LRRTM4: variants seen among roughly 807,000 people sequenced by gnomAD.
The protein encoded by LRRTM4 is leucine rich repeat transmembrane neuronal 4, also known as leucine-rich repeat transmembrane neuronal protein 4.
LRRTM4 carries 25 observed loss-of-function variants against 47.6 expected under a neutral mutation model. The observed-to-expected ratio is 0.53, with a 90% CI of 0.38 to 0.73. The LOEUF (loss-of-function observed/expected upper bound fraction) is 0.73. Among genes scored for constraint, LRRTM4 ranks in the 30% least tolerant of loss-of-function variants. The pLI, the probability that LRRTM4 is intolerant of heterozygous loss-of-function variation, is 0.00. For synonymous variants in LRRTM4, 311 were observed against 269.5 expected (o/e 1.15, Z -1.51); for missense variants, 638 against 713.4 (o/e 0.89, Z 1.20).
chr2:77,081,409 C>A (rs1025231921), intron 3 of LRRTM4, among the ~76,000 whole-genome samples: 1 of 151,376 alleles, frequency 6.6e-6, no homozygotes, highest in African/African-American at 2.4e-5. Context: ...TCACATTATA[C>A]AAATCATTTA....
At chr2:77,266,537 T>C (rs6743709) in intron 3 of LRRTM4, among the ~76,000 whole-genome samples, 19,535 of 151,996 alleles carry the variant, frequency 0.13, 4,201 homozygotes, top group African/African-American at 0.44. Context: ...AAAAAGAAGA[T>C]AAAAAAGTGT....
At chr2:77,211,930 C>T (rs964254633) in intron 3 of LRRTM4, among the ~76,000 whole-genome samples, 3 of 151,984 alleles carry the variant, frequency 2.0e-5, no homozygotes, top group African/African-American at 7.2e-5. Context: ...ATTAATTTTT[C>T]ATGAATGTTT....
intron 3 of LRRTM4, among the ~76,000 whole-genome samples, chr2:77,516,201 A>T (rs1408576326): frequency 1.3e-5 from 2 of 151,884 alleles, no homozygotes; most frequent in African/African-American, 2.4e-5. Context: ...TTAACAACAC[A>T]TTCATTTTCA....
At chr2:77,423,006 C>A (rs1379883745) in intron 3 of LRRTM4, among the ~76,000 whole-genome samples, 1 of 151,876 alleles carries the variant, frequency 6.6e-6, no homozygotes, top group Non-Finnish European at 1.5e-5. Context: ...TTGACACAAA[C>A]CTTAGGATTA....
At chr2:77,422,083 C>T (rs1257283743) in intron 3 of LRRTM4, among the ~76,000 whole-genome samples, 3 of 152,130 alleles carry the variant, frequency 2.0e-5, no homozygotes, top group Non-Finnish European at 4.4e-5. Flanking sequence ...GTAGGCTGTG[C>T]CATCTAGGTT....
intron 3 of LRRTM4, among the ~76,000 whole-genome samples, chr2:77,020,068 G>A (rs1678212486): frequency 1.3e-5 from 2 of 152,046 alleles, no homozygotes; most frequent in African/African-American, 2.4e-5. Context: ...ATGAATCTAA[G>A]GATGTGTCTA....
chr2:77,507,009 G>A (rs188940166), intron 3 of LRRTM4, among the ~76,000 whole-genome samples: 1 of 152,030 alleles, frequency 6.6e-6, no homozygotes, highest in Non-Finnish European at 1.5e-5. Flanking sequence ...TAGAATTTAT[G>A]TTCCAGAATT....
At chr2:76,980,643 C>A (rs114726781) in intron 3 of LRRTM4, among the ~76,000 whole-genome samples, 1,977 of 151,710 alleles carry the variant, frequency 0.013, 42 homozygotes, top group African/African-American at 0.045. Flanking sequence ...GCAGGAGGAA[C>A]TTTTTAAGTC....
intron 3 of LRRTM4, among the ~76,000 whole-genome samples, chr2:77,158,085 T>G (rs990412264): frequency 2.0e-5 from 3 of 152,138 alleles, no homozygotes; most frequent in Non-Finnish European, 4.4e-5. Context: ...GAAATATTAT[T>G]GTAAATGTCA....
chr2:77,338,732 A>G (rs1413693737), intron 3 of LRRTM4, among the ~76,000 whole-genome samples: 1 of 152,124 alleles, frequency 6.6e-6, no homozygotes, highest in Non-Finnish European at 1.5e-5. Context: ...CATTCGACTC[A>G]GCAATCCCAT....
At chr2:77,407,689 A>C (rs1456662441) in intron 3 of LRRTM4, among the ~76,000 whole-genome samples, 6,714 of 136,586 alleles carry the variant, frequency 0.049, 171 homozygotes, top group South Asian at 0.087. Context: ...TATTTAATAT[A>C]ATATATGATA....
At chr2:77,369,279 T>C (rs550067525) in intron 3 of LRRTM4, among the ~76,000 whole-genome samples, 6 of 151,740 alleles carry the variant, frequency 4.0e-5, no homozygotes, top group Non-Finnish European at 5.9e-5. Flanking sequence ...GTACAGAAAA[T>C]TGTTAGTTTG....
At chr2:77,075,177 A>C (rs1239969043) in intron 3 of LRRTM4, among the ~76,000 whole-genome samples, 2 of 152,240 alleles carry the variant, frequency 1.3e-5, no homozygotes, top group Non-Finnish European at 2.9e-5. Context: ...GAAACAGATC[A>C]ATGTCAAGTA....
At chr2:77,044,965 A>G (rs930868510) in intron 3 of LRRTM4, among the ~76,000 whole-genome samples, 1 of 151,808 alleles carries the variant, frequency 6.6e-6, no homozygotes, top group Non-Finnish European at 1.5e-5. Flanking sequence ...AATGAGACAT[A>G]TATCTGGGTA....
At chr2:77,215,824 C>T (rs979628188) in intron 3 of LRRTM4, among the ~76,000 whole-genome samples, 8 of 152,130 alleles carry the variant, frequency 5.3e-5, no homozygotes, top group Non-Finnish European at 1.2e-4. Flanking sequence ...TAGAGTAAAA[C>T]CTCAGAGATT....
chr2:76,753,509 A>C (rs1672920335), intron 3 of LRRTM4, among the ~76,000 whole-genome samples: 1 of 152,186 alleles, frequency 6.6e-6, no homozygotes, highest in Admixed American at 6.5e-5. Context: ...CTGGTTTTCT[A>C]AAAACATCAT....
chr2:77,154,195 T>G, intron 3 of LRRTM4, among the ~76,000 whole-genome samples: 1 of 152,214 alleles, frequency 6.6e-6, no homozygotes, highest in East Asian at 1.9e-4. Flanking sequence ...GCTTCTTCTC[T>G]TTCTAGTTTC....
intron 3 of LRRTM4, among the ~76,000 whole-genome samples, chr2:76,933,521 A>G (rs1322676850): frequency 6.6e-6 from 1 of 152,164 alleles, no homozygotes; most frequent in Non-Finnish European, 1.5e-5. Context: ...AGTACTTATT[A>G]ATTTTTTAGA....
chr2:77,245,624 T>TTC (rs34310430), intron 3 of LRRTM4, among the ~76,000 whole-genome samples: 2 of 31,890 alleles, frequency 6.3e-5, no homozygotes, highest in Non-Finnish European at 1.4e-4. Context: ...CTTTAAACAC[T>TTC]TTTTTTTTGT....
Sources: gnomAD v4.1 joint callset for allele counts (sites outside exome capture counted in the v4.1 genomes callset) on GRCh38, gnomAD v4.1.1 for gene constraint, MANE v1.5 for transcripts, NCBI Gene and HGNC (gene_info 2026-07-23, HGNC 2026-07-21) for gene names.